B3GAT2: variants seen among roughly 807,000 people sequenced by gnomAD.
B3GAT2 encodes beta-1,3-glucuronyltransferase 2, also known as galactosylgalactosylxylosylprotein 3-beta-glucuronosyltransferase 2.
B3GAT2 carries 26 observed loss-of-function variants against 27.8 expected under a neutral mutation model. The observed-to-expected ratio is 0.93, with a 90% CI of 0.68 to 1.30. The LOEUF (loss-of-function observed/expected upper bound fraction) is 1.30, where lower values mean the gene tolerates loss of function less well. B3GAT2 is among the 50% of genes most tolerant of loss of function. The pLI, the probability that B3GAT2 is intolerant of heterozygous loss-of-function variation, is 0.00. For synonymous variants in B3GAT2, 218 were observed against 195.1 expected (o/e 1.12, Z -0.98); for missense variants, 458 against 459.0 (o/e 1.00, Z 0.02).
At chr6:70,920,058 C>G (rs1336338157) in intron 1 of B3GAT2, among the ~76,000 whole-genome samples, 1 of 152,136 alleles carries the variant, frequency 6.6e-6, no homozygotes, top group Non-Finnish European at 1.5e-5. Flanking sequence ...TGGGCTCCGT[C>G]CAGTTCAAGC....
At chr6:70,865,085 T>C (rs1771827821) in intron 2 of B3GAT2, among the ~76,000 whole-genome samples, 1 of 152,164 alleles carries the variant, frequency 6.6e-6, no homozygotes, top group Non-Finnish European at 1.5e-5. Context: ...ATTAAAAATA[T>C]CTGAAAATAA....
At position 70,912,033 on chromosome 6, in the gene B3GAT2, T is replaced by C. The variant is rs73491643; in HGVS notation, c.592-17761A>G. 1.3e-3 allele frequency among the ~76,000 whole-genome samples: 197 copies of C among 152,302 alleles called. 1 individual carries two copies. Among genetic ancestry groups the C allele is most frequent in the African/African-American group, 4.5e-3 (189 of 41,572 alleles). ...CTTTGCTGAAGTTGTTTGTCAGATC[T>C]AGGAGCTTTTGGGCAGACACTATGG... On this transcript the variant is annotated intron_variant, in intron 1 of 3. Coordinates refer to ENST00000230053, the MANE Select transcript of B3GAT2 (RefSeq NM_080742.3).
rs529749468 is a variant in B3GAT2, at chr6:70,955,787, C to T, written c.591+52G>A. The T allele has an allele frequency of 4.7e-6, 7 of 1,499,324 alleles. No individual in the cohort carries two copies. The South Asian group carries it at 8.9e-5, about 19-fold the overall frequency. The allele number at this position is 1,499,324 out of a possible 1,614,324, so 92.9% of individuals were successfully genotyped here. A position where few individuals can be genotyped will look rare whatever the true frequency, so the allele number is the denominator to read the frequency against. ...GGCGTGTGACTGCAGCCCGGCCGGC[C>T]CGGAGGCCCACTCCCGCCCTCGCCC... On this transcript the variant is annotated intron_variant, in intron 1 of 3. Coordinates refer to ENST00000230053, the MANE Select transcript of B3GAT2 (RefSeq NM_080742.3).
intron 1 of B3GAT2, among the ~76,000 whole-genome samples, chr6:70,940,353 G>C (rs1765369937): frequency 6.6e-6 from 1 of 152,102 alleles, no homozygotes; most frequent in South Asian, 2.1e-4. Flanking sequence ...CCCAGGCAAG[G>C]CTGGGAGAAG....
chr6:70,866,388 C>T (rs972584948), intron 2 of B3GAT2, among the ~76,000 whole-genome samples: 2 of 152,172 alleles, frequency 1.3e-5, no homozygotes, highest in African/African-American at 4.8e-5. Flanking sequence ...CTCAAGAATA[C>T]ATATGTATTT....
At chr6:70,889,385 C>A (rs1176354335) in intron 2 of B3GAT2, among the ~76,000 whole-genome samples, 1 of 152,126 alleles carries the variant, frequency 6.6e-6, no homozygotes, top group African/African-American at 2.4e-5. Flanking sequence ...TAAGAGTTGT[C>A]TCCTGGCCCT....
chr6:70,869,009 C>T (rs781500712), intron 2 of B3GAT2, among the ~76,000 whole-genome samples: 11 of 152,136 alleles, frequency 7.2e-5, no homozygotes, highest in Non-Finnish European at 1.6e-4. Flanking sequence ...GCGGTTTTAG[C>T]ATATTCATAA....
chr6:70,867,288 C>T (rs187031325), intron 2 of B3GAT2, among the ~76,000 whole-genome samples: 8 of 151,268 alleles, frequency 5.3e-5, no homozygotes, highest in African/African-American at 1.7e-4. Context: ...AAATGAAGCC[C>T]AAAGTAAATG....
intron 1 of B3GAT2, among the ~76,000 whole-genome samples, chr6:70,926,052 C>T (rs527570829): frequency 6.6e-6 from 1 of 152,302 alleles, no homozygotes; most frequent in South Asian, 2.1e-4. Flanking sequence ...AGACCTCCAG[C>T]AAACTCCAAA....
In B3GAT2 at chr6:70,894,240, A is replaced by G. The variant is rs1772340767; in HGVS notation, c.624T>C (p.Pro208=). ...MRTTRKVSVW[P]VGLVGGRRYE... ...AGCGCCGCCCACCAACCAGGCCCAC[A>G]GGCCAGACGGAGACCTTGCGGGTGG... The change falls in exon 2 of 4, where the codon CCT becomes CCC. Residue 208 remains proline (P), a synonymous_variant. Coordinates refer to ENST00000230053, the MANE Select transcript of B3GAT2 (RefSeq NM_080742.3). 21 of 1,612,016 alleles carry G rather than the reference A, an allele frequency of 1.3e-5. No individual in the cohort carries two copies. Among genetic ancestry groups the G allele is most frequent in the Non-Finnish European group, 1.6e-5 (19 of 1,178,832 alleles).
chr6:70,873,746 T>G (rs1771973085), intron 2 of B3GAT2, among the ~76,000 whole-genome samples: 1 of 152,114 alleles, frequency 6.6e-6, no homozygotes, highest in Non-Finnish European at 1.5e-5. Flanking sequence ...TCATTCTTTT[T>G]TCTGTTCCTT....
chr6:70,875,136 T>C (rs1771993876), intron 2 of B3GAT2, among the ~76,000 whole-genome samples: 1 of 152,176 alleles, frequency 6.6e-6, no homozygotes, highest in South Asian at 2.1e-4. Context: ...TCAGAAGTCC[T>C]TACTCTGTCA....
chr6:70,905,244 G>C (rs189565074), intron 1 of B3GAT2, among the ~76,000 whole-genome samples: 29 of 152,258 alleles, frequency 1.9e-4, no homozygotes, highest in African/African-American at 6.3e-4. Flanking sequence ...CTGAGGAAAC[G>C]CAAGAGTTAC....
intron 2 of B3GAT2, among the ~76,000 whole-genome samples, chr6:70,868,963 T>C (rs1158899480): frequency 6.6e-6 from 1 of 152,196 alleles, no homozygotes; most frequent in African/African-American, 2.4e-5. Context: ...AATTCACATA[T>C]ATTAAAACTT....
intron 1 of B3GAT2, among the ~76,000 whole-genome samples, chr6:70,934,902 C>T: frequency 6.6e-6 from 1 of 152,038 alleles, no homozygotes; most frequent in East Asian, 1.9e-4. Context: ...AGTTAATTAC[C>T]CAACCCTGTA....
intron 1 of B3GAT2, among the ~76,000 whole-genome samples, chr6:70,939,419 A>G (rs547233984): frequency 5.4e-4 from 81 of 150,914 alleles, no homozygotes; most frequent in African/African-American, 1.9e-3. Flanking sequence ...AGGACTATAA[A>G]TCATGCTGCT....
At chr6:70,878,890 T>C (rs956428872) in intron 2 of B3GAT2, among the ~76,000 whole-genome samples, 13 of 152,092 alleles carry the variant, frequency 8.5e-5, no homozygotes, top group African/African-American at 2.9e-4. Flanking sequence ...CCTTTTTGAA[T>C]GAGACTACAT....
intron 2 of B3GAT2, among the ~76,000 whole-genome samples, chr6:70,878,084 C>T (rs1772042495): frequency 6.6e-6 from 1 of 152,024 alleles, no homozygotes; most frequent in South Asian, 2.1e-4. Context: ...GGTTTTATGG[C>T]CTGATACAGT....
intron 2 of B3GAT2, among the ~76,000 whole-genome samples, chr6:70,889,424 C>G (rs557956729): frequency 5.9e-5 from 9 of 152,296 alleles, no homozygotes; most frequent in African/African-American, 2.2e-4. Context: ...TCCCCACCCC[C>G]ACTGTCCACC....
Sources: gnomAD v4.1 joint callset for allele counts (sites outside exome capture counted in the v4.1 genomes callset) on GRCh38, gnomAD v4.1.1 for gene constraint, MANE v1.5 for transcripts, NCBI Gene and HGNC (gene_info 2026-07-23, HGNC 2026-07-21) for gene names.